EPAS1: variants seen among roughly 807,000 people sequenced by gnomAD.
EPAS1 encodes endothelial PAS domain-containing protein 1.
EPAS1 carries 23 observed loss-of-function variants against 87.9 expected under a neutral mutation model. The observed-to-expected ratio is 0.26, with a 90% confidence interval of 0.19 to 0.37. The LOEUF (loss-of-function observed/expected upper bound fraction) is 0.37. EPAS1 is among the 10% of genes least tolerant of loss of function. The pLI, the probability that EPAS1 is intolerant of heterozygous loss-of-function variation, is 1.00. For synonymous variants in EPAS1, 508 were observed against 444.3 expected (o/e 1.14, Z -1.80); for missense variants, 1,138 against 1,120.7 (o/e 1.02, Z -0.22).
intron 2 of EPAS1, among the ~76,000 whole-genome samples, chr2:46,349,817 G>A (rs564046562): frequency 9.9e-5 from 15 of 152,266 alleles, no homozygotes; most frequent in Admixed American, 2.0e-4. Flanking sequence ...TTTCTAAATC[G>A]TATTTTGCTT....
intron 1 of EPAS1, among the ~76,000 whole-genome samples, chr2:46,322,827 C>T (rs941676415): frequency 3.7e-4 from 57 of 152,308 alleles, no homozygotes; most frequent in African/African-American, 1.3e-3. Context: ...AGTCCACCCC[C>T]ACGACAGGCA....
chr2:46,352,553 C>G (rs1013516111), intron 2 of EPAS1, among the ~76,000 whole-genome samples: 1 of 152,166 alleles, frequency 6.6e-6, no homozygotes, highest in Non-Finnish European at 1.5e-5. Flanking sequence ...GGGGAAGAGG[C>G]AGAAGGGTCT....
chr2:46,377,728 C>T (rs1047109339), intron 9 of EPAS1, among the ~76,000 whole-genome samples, 166 bp from the exon 10 acceptor site: 15 of 151,060 alleles, frequency 9.9e-5, no homozygotes, highest in African/African-American at 3.5e-4. Context: ...TAGCCAGAGT[C>T]AAAGACCCAT....
chr2:46,315,449 C>T (rs1683295093), intron 1 of EPAS1, among the ~76,000 whole-genome samples: 1 of 152,168 alleles, frequency 6.6e-6, no homozygotes, highest in South Asian at 2.1e-4. Flanking sequence ...TTATCTGCCT[C>T]ACATCAGGTA....
intron 14 of EPAS1, among the ~76,000 whole-genome samples, 153 bp from the exon 15 acceptor site, chr2:46,382,272 T>A (rs1222936138): frequency 6.6e-6 from 1 of 152,226 alleles, no homozygotes; most frequent in Non-Finnish European, 1.5e-5. Context: ...ATCTCCACTC[T>A]GACTTAGATG....
In EPAS1 at chr2:46,347,297, A is replaced by G; in HGVS notation, c.217+234A>G. On this transcript the variant is annotated intron_variant, in intron 2 of 15. Coordinates refer to ENST00000263734, the MANE Select transcript of EPAS1 (RefSeq NM_001430.5). This position sits in a 1 kb window ranked among gnomAD's most constrained non-coding sequence, Gnocchi z 4.2. ...AGGGCAGGGACAGGACCAGGGAAGA[A>G]CATGGGCACCCAGAGGCTGTGGAGA... 1.7e-6 allele frequency: 1 copy of G among 593,444 alleles called. No homozygotes were observed. Among genetic ancestry groups the G allele is most frequent in the Non-Finnish European group, 3.0e-6 (1 of 332,498 alleles). The allele number at this position is 593,444 out of a possible 1,614,324, so 36.8% of individuals were successfully genotyped here. A position where few individuals can be genotyped will look rare whatever the true frequency, so the allele number is the denominator to read the frequency against.
At position 46,323,916 on chromosome 2, in the gene EPAS1, A is replaced by G. The variant is rs111902763; in HGVS notation, c.27-22957A>G. Among the ~76,000 whole-genome samples, 17 of 152,300 alleles carry G rather than the reference A, an allele frequency of 1.1e-4. 1 individual carries two copies. The highest frequency in any genetic ancestry group is 3.6e-4 in the African/African-American group (15 of 41,568). On this transcript the variant is annotated intron_variant, in intron 1 of 15. Transcript: ENST00000263734. ...CTGTCTTCTGAAATAACCCACCATGATCTTTTGCGTGTTTCTGCCAGCCCA... is the reference window on the plus strand; with the variant it reads ...CTGTCTTCTGAAATAACCCACCATGGTCTTTTGCGTGTTTCTGCCAGCCCA...
In EPAS1 at chr2:46,380,465, A is replaced by G. The variant is rs1425108881; in HGVS notation, c.1793A>G (p.Glu598Gly). 1 of 1,614,136 alleles carries G rather than the reference A, an allele frequency of 6.2e-7. No homozygotes were observed. The highest frequency in any genetic ancestry group is 2.2e-5 in the East Asian group (1 of 44,882). Residue 598 changes from glutamate (E) to glycine (G), a missense_variant, in exon 12 of 16, where the codon GAG becomes GGG. Coordinates refer to ENST00000263734, the MANE Select transcript of EPAS1 (RefSeq NM_001430.5). The surrounding 1 kb of genome is among the most constrained non-coding windows in gnomAD (Gnocchi z 4.4). ...CAGCAGCTGGAGAGCAAGAAGACAGAGCCCGAGCACCGGCCCATGTCCTCC... is the reference window on the plus strand; with the variant it reads ...CAGCAGCTGGAGAGCAAGAAGACAGGGCCCGAGCACCGGCCCATGTCCTCC... ...FQQQLESKKT[E>G]PEHRPMSSIF...
intron 1 of EPAS1, among the ~76,000 whole-genome samples, chr2:46,307,580 G>A (rs1683129396): frequency 6.6e-6 from 1 of 152,140 alleles, no homozygotes; most frequent in Non-Finnish European, 1.5e-5. Flanking sequence ...TGCCTCAGCT[G>A]ATGTGCGCCT....
chr2:46,356,032 G>A (rs547670843), intron 2 of EPAS1, 119 bp from the exon 3 acceptor site: 31 of 1,107,876 alleles, frequency 2.8e-5, no homozygotes, highest in African/African-American at 1.8e-4. Flanking sequence ...GGCAGTATGC[G>A]TTTCCAGAAA....
chr2:46,328,315 A>C (rs1396489579), intron 1 of EPAS1, among the ~76,000 whole-genome samples: 1 of 152,214 alleles, frequency 6.6e-6, no homozygotes, highest in Non-Finnish European at 1.5e-5. Flanking sequence ...GGAGGCATTA[A>C]GTACTTCTGT....
chr2:46,368,595 G>A (rs578109633), intron 6 of EPAS1, among the ~76,000 whole-genome samples: 1 of 152,100 alleles, frequency 6.6e-6, no homozygotes, highest in African/African-American at 2.4e-5. Context: ...TGACCTGTTT[G>A]GGGGGTGGGT....
chr2:46,378,898 C>A (rs1684819684), intron 11 of EPAS1, 131 bp downstream of exon 11: 1 of 845,756 alleles, frequency 1.2e-6, no homozygotes, highest in Non-Finnish European at 2.0e-6. Flanking sequence ...AGGCCCAGGT[C>A]CCCTAAAGAG....
intron 1 of EPAS1, among the ~76,000 whole-genome samples, chr2:46,320,699 C>T (rs781207618): frequency 1.3e-4 from 20 of 152,074 alleles, no homozygotes; most frequent in East Asian, 3.8e-4. Context: ...ACTGTCTGCC[C>T]GTGCCATTAT....
chr2:46,341,378 T>C (rs1178546392), intron 1 of EPAS1, among the ~76,000 whole-genome samples: 1 of 152,252 alleles, frequency 6.6e-6, no homozygotes, highest in Non-Finnish European at 1.5e-5. Flanking sequence ...GATTTTCTTA[T>C]GTGGCTCTGA....
intron 6 of EPAS1, 60 bp downstream of exon 6, chr2:46,361,150 G>A (rs2103637596): frequency 1.3e-6 from 2 of 1,562,168 alleles, no homozygotes; most frequent in Non-Finnish European, 1.8e-6. Context: ...TGTGTGTGGG[G>A]AGTTGTGCCT....
At chr2:46,318,872 A>G (rs1247307766) in intron 1 of EPAS1, among the ~76,000 whole-genome samples, 2 of 152,222 alleles carry the variant, frequency 1.3e-5, no homozygotes, top group Non-Finnish European at 2.9e-5. Context: ...ATAGCAATAT[A>G]TCAGAACTAT....
At chr2:46,356,454 G>T (rs2278753) in intron 3 of EPAS1, 152 bp downstream of exon 3, 1 of 956,432 alleles carries the variant, frequency 1.0e-6, no homozygotes. Context: ...CTCAGGCCAC[G>T]CTCCCACCCC....
chr2:46,375,931 C>A lies in EPAS1; in HGVS notation c.1034+94C>A. On this transcript the variant is annotated intron_variant, in intron 8 of 15. Coordinates refer to ENST00000263734, the MANE Select transcript of EPAS1 (RefSeq NM_001430.5). This position sits in a 1 kb window ranked among gnomAD's most constrained non-coding sequence, Gnocchi z 4.1. Reference sequence around the variant, plus strand: ...GATGACAGGCCTAGGAGATGCCAGGCCTCTCAGCGCCCTGGGCACCACCTC... The same window carrying A: ...GATGACAGGCCTAGGAGATGCCAGGACTCTCAGCGCCCTGGGCACCACCTC... The A allele has an allele frequency of 6.5e-7, 1 of 1,549,338 alleles. No homozygotes were observed. The highest frequency in any genetic ancestry group is 8.9e-7 in the Non-Finnish European group (1 of 1,124,672).
Sources: allele counts gnomAD v4.1 joint callset (sites outside exome capture counted in the v4.1 genomes callset), GRCh38; gene constraint gnomAD v4.1.1; non-coding constraint Gnocchi (gnomAD v3.1); transcripts MANE v1.5; gene names NCBI Gene and HGNC (gene_info 2026-07-23, HGNC 2026-07-21).